Variants in IWS1 observed in about 807,000 individuals in gnomAD.
IWS1 encodes the protein protein IWS1 homolog.
Under a neutral mutation model 86.7 loss-of-function variants are expected in IWS1, and 27 were observed. The ratio of observed to expected loss-of-function variants is 0.31; its 90% confidence interval spans 0.23 to 0.43. The LOEUF is 0.43. Among genes scored for constraint, IWS1 ranks in the 20% least tolerant of loss-of-function variants. The pLI is 1.00. For synonymous variants in IWS1, 313 were observed against 335.1 expected (o/e 0.93, Z 0.72); for missense variants, 827 against 1,000.8 (o/e 0.83, Z 2.34).
chr2:127,499,939 T>TA lies in IWS1; in HGVS notation c.1468-1703dup, dbSNP rs1361992992. On this transcript the variant is annotated intron_variant, in intron 5 of 13. Transcript: ENST00000295321. The surrounding 1 kb of genome is among the most constrained non-coding windows in gnomAD (Gnocchi z 4.0). The stretch of plus-strand genomic sequence containing the variant: ...AAATAAGGAAAAAAATCTTGACTCT[T>TA]ACCTCATACCACATACGAAACCAAT... Among the ~76,000 whole-genome samples the TA allele has an allele frequency of 1.1e-4, 16 of 152,186 alleles. No homozygotes were observed. The highest frequency in any genetic ancestry group is 1.6e-4 in the Non-Finnish European group (11 of 68,016).
rs1691051523 is a variant in IWS1, at chr2:127,505,089, G to A, written c.814C>T (p.Arg272Ter). Residue 272 changes from arginine (R) to a stop codon, truncating the protein, a stop_gained, in exon 3 of 14, where the codon CGA becomes TGA. Transcript: ENST00000295321. LOFTEE classifies it high-confidence loss of function. This position sits in a 1 kb window ranked among gnomAD's most constrained non-coding sequence, Gnocchi z 5.0. ...TCCTCACTTTCCGAATCACTGATTC[G>A]GGGTTTGGGAAGCTCTTCATTTTCT... ...DSENEELPKP[R>*]ISDSESEDPP... The A allele has an allele frequency of 6.2e-7, 1 of 1,612,012 alleles. No individual in the cohort carries two copies. Among genetic ancestry groups the A allele is most frequent in the Non-Finnish European group, 8.5e-7 (1 of 1,179,478 alleles).
intron 2 of IWS1, among the ~76,000 whole-genome samples, chr2:127,510,733 C>T (rs983377572): frequency 9.2e-5 from 14 of 151,982 alleles, no homozygotes; most frequent in African/African-American, 2.2e-4. Context: ...GTGATCCTTC[C>T]GCCTTGGCCT....
rs752410532 is a variant in IWS1 at position 127,493,244 on chromosome 2, T to G, written c.1929+37A>C. 16 of 1,583,512 alleles carry G rather than the reference T, an allele frequency of 1.0e-5. No individual in the cohort carries two copies. The East Asian group carries it at 3.6e-4, about 36-fold the overall frequency. ...TTATGACCATACAGACCACATTAGA[T>G]AATTAATAAAGAACAGTCAGATTAT... On this transcript the variant is annotated intron_variant, in intron 9 of 13. Coordinates refer to ENST00000295321, the MANE Select transcript of IWS1 (RefSeq NM_017969.3).
chr2:127,502,360 A>G (rs1020277012), intron 5 of IWS1, among the ~76,000 whole-genome samples: 2 of 152,118 alleles, frequency 1.3e-5, no homozygotes, highest in African/African-American at 4.8e-5. Flanking sequence ...CCCACAGAAA[A>G]AGCACTTCTA....
At chr2:127,483,591 T>TGGGGGGGGGGGGGGG (rs1187157658) in intron 13 of IWS1, among the ~76,000 whole-genome samples, 1 of 17,520 alleles carries the variant, frequency 5.7e-5, no homozygotes, top group African/African-American at 2.4e-4. Flanking sequence ...GGTGGTGGGG[T>TGGGGGGGGGGGGGGG]GGGGGGGTTG....
chr2:127,489,518 A>G lies in IWS1; in HGVS notation c.2160-283T>C. On this transcript the variant is annotated intron_variant, in intron 11 of 13. Transcript: ENST00000295321. This position sits in a 1 kb window ranked among gnomAD's most constrained non-coding sequence, Gnocchi z 4.8. Reference sequence around the variant, plus strand: ...TATCAATACAAACTAAAACTATAACATTTTTTCTTCTAGGAACTCGGAAAC... The same window carrying G: ...TATCAATACAAACTAAAACTATAACGTTTTTTCTTCTAGGAACTCGGAAAC... 1 of 494,668 alleles carries G rather than the reference A, an allele frequency of 2.0e-6. No individual in the cohort carries two copies. The allele number at this position is 494,668 out of a possible 1,614,324, so 30.6% of individuals were successfully genotyped here.
intron 2 of IWS1, among the ~76,000 whole-genome samples, chr2:127,522,770 T>A (rs1692170127): frequency 6.6e-6 from 1 of 152,182 alleles, no homozygotes; most frequent in Non-Finnish European, 1.5e-5. Context: ...TATTGAAAAA[T>A]TTCCCAATTT....
intron 5 of IWS1, among the ~76,000 whole-genome samples, chr2:127,500,532 A>C (rs1690746722): frequency 6.6e-6 from 1 of 152,128 alleles, no homozygotes; most frequent in Non-Finnish European, 1.5e-5. Flanking sequence ...ATAATATTAT[A>C]GATACCACAA....
chr2:127,481,264 C>A, intron 13 of IWS1, 89 bp from the exon 14 acceptor site: 1 of 1,230,332 alleles, frequency 8.1e-7, no homozygotes, highest in Admixed American at 3.1e-5. Flanking sequence ...AGTTAGCAAC[C>A]AGAAGAGCTT....
intron 5 of IWS1, 79 bp downstream of exon 5, chr2:127,502,736 C>T: frequency 1.5e-6 from 1 of 688,526 alleles, no homozygotes; most frequent in Non-Finnish European, 2.6e-6. Flanking sequence ...TTATTAGAAT[C>T]ATCTATAATG....
chr2:127,527,336 C>CT (rs1692478021), upstream of IWS1, among the ~76,000 whole-genome samples: 1 of 152,178 alleles, frequency 6.6e-6, no homozygotes. Flanking sequence ...GATTAGAACT[C>CT]TCCTCCCCCC....
chr2:127,489,534 A>G lies in IWS1; in HGVS notation c.2159+298T>C. On this transcript the variant is annotated intron_variant, in intron 11 of 13. Transcript: ENST00000295321. The surrounding 1 kb of genome is among the most constrained non-coding windows in gnomAD (Gnocchi z 4.8). ...AACTATAACATTTTTTCTTCTAGGA[A>G]CTCGGAAACGGGACCCAGAAAGTTG... is the stretch of plus-strand genomic sequence containing the variant. The G allele has an allele frequency of 6.0e-6, 3 of 500,846 alleles. No homozygotes were observed. Among genetic ancestry groups the G allele is most frequent in the Non-Finnish European group, 1.1e-5 (3 of 284,636 alleles). The allele number at this position is 500,846 out of a possible 1,614,324, so 31.0% of individuals were successfully genotyped here.
At position 127,521,271 on chromosome 2, in the gene IWS1, A is replaced by G. The variant is rs142665367; in HGVS notation, c.150+2405T>C. Among the ~76,000 whole-genome samples, 13 of 152,312 alleles carry G rather than the reference A, an allele frequency of 8.5e-5. No homozygotes were observed. In the East Asian group the frequency reaches 1.9e-3, roughly 23 times the overall value. The stretch of plus-strand genomic sequence containing the variant: ...TCTCAAAATATATACATAGAAAGAC[A>G]CAAAATATATATAATAACATCTCAA... On this transcript the variant is annotated intron_variant, in intron 2 of 13. Transcript: ENST00000295321.
chr2:127,519,339 AT>A (rs1203423430), intron 2 of IWS1, among the ~76,000 whole-genome samples: 2 of 131,718 alleles, frequency 1.5e-5, no homozygotes, highest in African/African-American at 6.0e-5. Flanking sequence ...GACATATACA[AT>A]TACTTTAAGA....
Position 127,504,838 on chromosome 2 carries a change from C to T in IWS1, c.1065G>A (p.Met355Ile). The T allele has an allele frequency of 6.2e-7, 1 of 1,614,124 alleles. No individual in the cohort carries two copies. The highest frequency in any genetic ancestry group is 8.5e-7 in the Non-Finnish European group (1 of 1,180,016). The change falls in exon 3 of 14, where the codon ATG becomes ATA. Residue 355 changes from methionine (M) to isoleucine (I), a missense_variant. Physicochemically the swap from Met to Ile is conservative, Grantham distance 10 (BLOSUM62 1). Around this residue, in one of 2 missense-constraint regions of IWS1, gnomAD observed 548 missense variants for 560.2 expected, o/e 0.98. Transcript: ENST00000295321. ...CAGAACTGTGAAACTTTTTTCTGTC[C>T]ATATGGCTGTCTGAATGGAAGGAGT... ...QNDSFHSDSHMDRKKFHSSDS... is the reference protein window; with the variant it reads ...QNDSFHSDSHIDRKKFHSSDS...
chr2:127,506,737 T>G (rs1297079112), intron 2 of IWS1: 1 of 168,832 alleles, frequency 5.9e-6, no homozygotes, highest in Non-Finnish European at 1.5e-5. Flanking sequence ...CAAGAAAGCT[T>G]AAGTTTTAGG....
Position 127,486,381 on chromosome 2 carries a change from C to G in IWS1, c.2328+172G>C, listed in dbSNP as rs953552871. On this transcript the variant is annotated intron_variant, in intron 13 of 13. Transcript: ENST00000295321. ...CAATAAACTTTAATCCTGGGTAATA[C>G]TTTTCCTTTCTCTATTGCTCAATTT... is the stretch of plus-strand genomic sequence containing the variant. The G allele has an allele frequency of 1.5e-5, 8 of 538,050 alleles. No homozygotes were observed. In the Admixed American group the frequency reaches 2.4e-4, roughly 16 times the overall value. The allele number at this position is 538,050 out of a possible 1,614,324, so 33.3% of individuals were successfully genotyped here. A position where few individuals can be genotyped will look rare whatever the true frequency, so the allele number is the denominator to read the frequency against.
intron 2 of IWS1, among the ~76,000 whole-genome samples, chr2:127,509,738 G>A (rs1283209640): frequency 7.5e-6 from 1 of 132,884 alleles, no homozygotes; most frequent in African/African-American, 2.8e-5. Flanking sequence ...AAAAGCCATC[G>A]ATAATGCCTC....
At chr2:127,525,239 C>T (rs1692336437) in intron 1 of IWS1, among the ~76,000 whole-genome samples, 1 of 152,064 alleles carries the variant, frequency 6.6e-6, no homozygotes, top group Non-Finnish European at 1.5e-5. Flanking sequence ...GGATTACAGG[C>T]ATAATCCACC....
Sources: allele counts gnomAD v4.1 joint callset (sites outside exome capture counted in the v4.1 genomes callset), GRCh38; gene constraint gnomAD v4.1.1; regional missense constraint gnomAD v4.1.1; non-coding constraint Gnocchi (gnomAD v3.1); transcripts MANE v1.5; gene names NCBI Gene and HGNC (gene_info 2026-07-23, HGNC 2026-07-21).